AEBP2: variants seen among roughly 807,000 people sequenced by gnomAD.
AEBP2 encodes the protein AE binding protein 2.
In AEBP2, 10 loss-of-function variants were observed where a neutral mutation model predicts 50.8. That is an observed-to-expected ratio of 0.20 (90% CI 0.12 to 0.33). AEBP2 has a LOEUF of 0.33. Among genes scored for constraint, AEBP2 ranks in the 10% least tolerant of loss-of-function variants. The probability of loss-of-function intolerance (pLI) is 1.00; values close to 1 mark genes in which losing one functional copy is unlikely to be tolerated. For synonymous variants in AEBP2, 296 were observed against 261.3 expected, an observed-to-expected ratio of 1.13 and a Z score of -1.28; for missense variants, 570 against 688.0, an observed-to-expected ratio of 0.83 and a Z score of 1.92.
At chr12:19,471,702 T>G (rs2153372049) in intron 2 of AEBP2, among the ~76,000 whole-genome samples, 1 of 152,054 alleles carries the variant, frequency 6.6e-6, no homozygotes, top group East Asian at 2.0e-4. Flanking sequence ...CAATTTTTTT[T>G]GTTACTTTTG....
At chr12:19,429,190 A>G (rs577290877) in intron 1 of AEBP2, among the ~76,000 whole-genome samples, 2 of 152,060 alleles carry the variant, frequency 1.3e-5, no homozygotes, top group East Asian at 1.9e-4. Context: ...ATGTGTTCTC[A>G]TTGTTCAATT....
intron 1 of AEBP2, chr12:19,440,619 G>A: frequency 6.8e-7 from 1 of 1,477,322 alleles, no homozygotes; most frequent in Non-Finnish European, 9.0e-7. Flanking sequence ...TCGGCGCTTC[G>A]CTCCTCACGG....
At chr12:19,429,179 C>T (rs1037531005) in intron 1 of AEBP2, among the ~76,000 whole-genome samples, 5 of 152,132 alleles carry the variant, frequency 3.3e-5, no homozygotes, top group African/African-American at 1.2e-4. Context: ...TTCCTGTGTC[C>T]ATGTGTTCTC....
At position 19,462,776 on chromosome 12, in the gene AEBP2, A is replaced by ATTG. The variant is rs1425110737; in HGVS notation, c.879+60_879+62dup. 1.4e-5 allele frequency: 20 copies of ATTG among 1,455,060 alleles called. No homozygotes were observed. In the Admixed American group the frequency reaches 4.1e-4, roughly 30 times the overall value. 90.1% of individuals were successfully genotyped at this position (1,455,060 alleles called of 1,614,324 possible). Reference sequence around the variant, plus strand: ...TTTTCGTTAGTTTTATTAATTTATAATTGCTAGTTAGGCTTTTTTGCTGAA... The same window carrying ATTG: ...TTTTCGTTAGTTTTATTAATTTATAATTGTTGCTAGTTAGGCTTTTTTGCTGAA... On this transcript the variant is annotated intron_variant, in intron 2 of 7. Coordinates refer to ENST00000266508, the MANE Select transcript of AEBP2 (RefSeq NM_153207.5).
chr12:19,513,280 A>C (rs1949263643), intron 6 of AEBP2, among the ~76,000 whole-genome samples: 1 of 151,998 alleles, frequency 6.6e-6, no homozygotes, highest in African/African-American at 2.4e-5. Flanking sequence ...TTTTTCTTTA[A>C]GTTTTAGTGC....
chr12:19,415,080 C>T (rs1017586487), intron 1 of AEBP2, among the ~76,000 whole-genome samples: 2 of 150,710 alleles, frequency 1.3e-5, no homozygotes, highest in Middle Eastern at 3.4e-3. Context: ...GAGACTGAGG[C>T]GGGTGGATCA....
chr12:19,449,203 A>G (rs1352101162), intron 1 of AEBP2, among the ~76,000 whole-genome samples: 1 of 152,180 alleles, frequency 6.6e-6, no homozygotes, highest in East Asian at 1.9e-4. Context: ...ATTTAATACT[A>G]ATTAAACCTT....
chr12:19,508,178 G>A (rs576635653), intron 5 of AEBP2, among the ~76,000 whole-genome samples: 6 of 152,036 alleles, frequency 3.9e-5, no homozygotes, highest in African/African-American at 1.4e-4. Context: ...TAGAATCAGA[G>A]TATTTATTTG....
chr12:19,443,007 C>G (rs1326737655), intron 1 of AEBP2, among the ~76,000 whole-genome samples: 1 of 152,220 alleles, frequency 6.6e-6, no homozygotes, highest in Admixed American at 6.5e-5. Context: ...TATTATAATG[C>G]CCATTTACCT....
At chr12:19,465,330 G>A (rs1478821783) in intron 2 of AEBP2, among the ~76,000 whole-genome samples, 3 of 151,952 alleles carry the variant, frequency 2.0e-5, no homozygotes, top group Non-Finnish European at 2.9e-5. Flanking sequence ...GGAGGCGGAG[G>A]TTGCAGTGAG....
intron 5 of AEBP2, among the ~76,000 whole-genome samples, chr12:19,500,708 G>C (rs1785316815): frequency 6.6e-6 from 1 of 152,140 alleles, no homozygotes; most frequent in African/African-American, 2.4e-5. Context: ...TGAAGGAAAG[G>C]ATTTTAGTCT....
intron 4 of AEBP2, among the ~76,000 whole-genome samples, chr12:19,494,975 C>G (rs888840198): frequency 4.0e-5 from 6 of 150,926 alleles, no homozygotes; most frequent in African/African-American, 1.5e-4. Context: ...GGTGTGATCT[C>G]GGCTCACTGC....
intron 1 of AEBP2, among the ~76,000 whole-genome samples, chr12:19,453,670 C>T (rs1361418635): frequency 3.9e-5 from 6 of 152,108 alleles, no homozygotes; most frequent in African/African-American, 9.7e-5. Context: ...GTGATCCACC[C>T]GCCTTGGCCT....
At chr12:19,504,057 A>G (rs1949120896) in intron 5 of AEBP2, among the ~76,000 whole-genome samples, 1 of 152,108 alleles carries the variant, frequency 6.6e-6, no homozygotes, top group African/African-American at 2.4e-5. Flanking sequence ...TGTCTTGTTT[A>G]TGGACTAAAT....
chr12:19,450,748 G>A (rs1291645618), intron 1 of AEBP2, among the ~76,000 whole-genome samples: 2 of 151,052 alleles, frequency 1.3e-5, no homozygotes, highest in South Asian at 2.1e-4. Context: ...AGGCTGAGAC[G>A]GGAAGATCGT....
chr12:19,422,115 C>T (rs935148056), intron 1 of AEBP2, among the ~76,000 whole-genome samples: 6 of 152,026 alleles, frequency 3.9e-5, no homozygotes, highest in Non-Finnish European at 8.8e-5. Context: ...GCACTCTGGC[C>T]TGGGTGATAG....
At chr12:19,472,852 T>TG (rs1358826179) in intron 2 of AEBP2, among the ~76,000 whole-genome samples, 4 of 152,266 alleles carry the variant, frequency 2.6e-5, no homozygotes, top group East Asian at 1.9e-4. Flanking sequence ...AGGTATATTT[T>TG]TACAAAATAT....
chr12:19,518,720 A>G lies in AEBP2; in HGVS notation c.*603A>G. ...TCAATTTGTATTTAAGCAAACAGTG[A>G]ACGACGTTTGCAATCAACTAAAAAT... On this transcript the variant is annotated 3_prime_UTR_variant, in exon 8 of 8. Coordinates refer to ENST00000266508, the MANE Select transcript of AEBP2 (RefSeq NM_153207.5). 1 of 1,490,530 alleles carries G rather than the reference A, an allele frequency of 6.7e-7. No individual in the cohort carries two copies. Among genetic ancestry groups the G allele is most frequent in the Non-Finnish European group, 9.1e-7 (1 of 1,102,614 alleles). 92.3% of individuals were successfully genotyped at this position (1,490,530 alleles called of 1,614,324 possible).
At chr12:19,482,682 A>G (rs1324640159) in intron 3 of AEBP2, among the ~76,000 whole-genome samples, 1 of 152,158 alleles carries the variant, frequency 6.6e-6, no homozygotes, top group East Asian at 1.9e-4. Flanking sequence ...CTAAAGGGGC[A>G]GGTAGAGAAA....
Sources: allele counts gnomAD v4.1 joint callset (sites outside exome capture counted in the v4.1 genomes callset), GRCh38; gene constraint gnomAD v4.1.1; transcripts MANE v1.5; gene names NCBI Gene and HGNC (gene_info 2026-07-23, HGNC 2026-07-21).